The following POLR3B variants were observed in gnomAD, a reference collection of about 807,000 sequenced individuals.
The protein encoded by POLR3B is DNA-directed RNA polymerase III subunit RPC2.
In POLR3B, 96 loss-of-function variants were observed where a neutral mutation model predicts 147.4. The observed-to-expected ratio is 0.65, with a 90% CI of 0.55 to 0.77. The LOEUF (loss-of-function observed/expected upper bound fraction) is 0.77. Among genes scored for constraint, POLR3B ranks in the 30% least tolerant of loss-of-function variants. The probability of loss-of-function intolerance (pLI) is 0.00; values close to 1 mark genes in which losing one functional copy is unlikely to be tolerated. For synonymous variants in POLR3B, 461 were observed against 485.9 expected (o/e 0.95, Z 0.67); for missense variants, 1,036 against 1,413.5 (o/e 0.73, Z 4.28).
At chr12:106,444,118 G>A (rs548383839) in intron 18 of POLR3B, among the ~76,000 whole-genome samples, 63 of 152,284 alleles carry the variant, frequency 4.1e-4, no homozygotes, top group African/African-American at 1.4e-3. Flanking sequence ...ACTGTACTTG[G>A]CTAGTAACTG....
At chr12:106,373,223 T>A (rs1593003839) in intron 6 of POLR3B, among the ~76,000 whole-genome samples, 1 of 152,230 alleles carries the variant, frequency 6.6e-6, no homozygotes, top group East Asian at 1.9e-4. Flanking sequence ...ATTTTTCCAT[T>A]TTCCTTATGG....
chr12:106,509,573 G>A lies in POLR3B; in HGVS notation c.*24G>A, dbSNP rs759841627. 6.2e-7 allele frequency: 1 copy of A among 1,600,294 alleles called. No homozygotes were observed. The highest frequency in any genetic ancestry group is 1.1e-5 in the South Asian group (1 of 90,726). On this transcript the variant is annotated 3_prime_UTR_variant, in exon 28 of 28. Coordinates refer to ENST00000228347, the MANE Select transcript of POLR3B (RefSeq NM_018082.6). ...GAGGATGGAAAAAATGATTATTAAAGAGAACAAGTGATACATCCAATGCAA... is the reference window on the plus strand; with the variant it reads ...GAGGATGGAAAAAATGATTATTAAAAAGAACAAGTGATACATCCAATGCAA...
At chr12:106,399,893 A>C (rs2037037881) in intron 10 of POLR3B, among the ~76,000 whole-genome samples, 1 of 152,224 alleles carries the variant, frequency 6.6e-6, no homozygotes, top group Non-Finnish European at 1.5e-5. Context: ...CCAAATTGTA[A>C]AGACTGTCAA....
chr12:106,409,443 T>C (rs1012716611), intron 11 of POLR3B, among the ~76,000 whole-genome samples: 2 of 142,724 alleles, frequency 1.4e-5, no homozygotes, highest in Admixed American at 7.3e-5. Context: ...GGGTACAAGA[T>C]AACAAAGTAG....
intron 9 of POLR3B, among the ~76,000 whole-genome samples, chr12:106,386,083 T>G (rs2036832520): frequency 6.6e-6 from 1 of 152,148 alleles, no homozygotes; most frequent in Non-Finnish European, 1.5e-5. Context: ...CGGTGGCTCA[T>G]GCCTATAATC....
chr12:106,418,760 T>G (rs971103913), intron 12 of POLR3B, among the ~76,000 whole-genome samples: 1 of 152,208 alleles, frequency 6.6e-6, no homozygotes, highest in Non-Finnish European at 1.5e-5. Flanking sequence ...ACTTTTGACC[T>G]AAATAATGTG....
At chr12:106,406,427 G>A (rs2037151147) in intron 11 of POLR3B, among the ~76,000 whole-genome samples, 1 of 152,162 alleles carries the variant, frequency 6.6e-6, no homozygotes, top group Non-Finnish European at 1.5e-5. Context: ...GGTAAAATAT[G>A]CGTAACATAA....
intron 23 of POLR3B, among the ~76,000 whole-genome samples, chr12:106,466,979 T>C (rs2038015069): frequency 6.6e-6 from 1 of 152,236 alleles, no homozygotes; most frequent in Non-Finnish European, 1.5e-5. Context: ...TTTTCTCTGG[T>C]TCTGTGAAGT....
intron 23 of POLR3B, among the ~76,000 whole-genome samples, chr12:106,480,018 T>C (rs550553592): frequency 4.6e-5 from 7 of 151,322 alleles, no homozygotes; most frequent in Admixed American, 1.3e-4. Context: ...TTTGGCTTTT[T>C]TTATTATTAT....
intron 23 of POLR3B, among the ~76,000 whole-genome samples, chr12:106,482,389 C>T (rs141193025): frequency 6.6e-6 from 1 of 152,266 alleles, no homozygotes; most frequent in East Asian, 1.9e-4. Flanking sequence ...GTTTAACTGG[C>T]TCACAACTCT....
chr12:106,469,062 T>A (rs2038050536), intron 23 of POLR3B, among the ~76,000 whole-genome samples: 1 of 152,132 alleles, frequency 6.6e-6, no homozygotes, highest in African/African-American at 2.4e-5. Context: ...CCCATTATTA[T>A]TTTTTGGGAG....
At chr12:106,366,451 G>T in intron 2 of POLR3B, 65 bp from the exon 3 acceptor site, 2 of 978,758 alleles carry the variant, frequency 2.0e-6, no homozygotes, top group South Asian at 2.6e-5. Context: ...TCTATTATTT[G>T]AGCATATCAT....
chr12:106,465,707 G>A (rs1170785390), intron 23 of POLR3B, among the ~76,000 whole-genome samples: 2 of 152,176 alleles, frequency 1.3e-5, no homozygotes, highest in Non-Finnish European at 2.9e-5. Flanking sequence ...GTGAGAACAT[G>A]CAGTGTTTGG....
intron 6 of POLR3B, among the ~76,000 whole-genome samples, chr12:106,370,584 A>G (rs777955814): frequency 5.4e-5 from 8 of 148,612 alleles, no homozygotes; most frequent in Non-Finnish European, 1.2e-4. Context: ...TAAAATGTTC[A>G]TCTTGGTTTT....
intron 12 of POLR3B, among the ~76,000 whole-genome samples, chr12:106,416,067 C>T (rs2037298258): frequency 6.6e-6 from 1 of 152,178 alleles, no homozygotes; most frequent in African/African-American, 2.4e-5. Context: ...ATCATTGTCA[C>T]AGGCAAGTTT....
chr12:106,407,250 G>A (rs1292127779), intron 11 of POLR3B, among the ~76,000 whole-genome samples: 1 of 152,206 alleles, frequency 6.6e-6, no homozygotes, highest in Admixed American at 6.5e-5. Context: ...AGACGTAATT[G>A]TTCAAATCCT....
intron 25 of POLR3B, among the ~76,000 whole-genome samples, chr12:106,497,371 A>T (rs2038511298): frequency 6.6e-6 from 1 of 152,008 alleles, no homozygotes; most frequent in Admixed American, 6.6e-5. Flanking sequence ...TACTGGTAAG[A>T]TTATAATTTG....
chr12:106,398,689 C>G (rs1474629425), intron 10 of POLR3B, among the ~76,000 whole-genome samples: 2 of 152,192 alleles, frequency 1.3e-5, no homozygotes. Context: ...ACCTGCTGTT[C>G]TGCAGCCACC....
intron 10 of POLR3B, 115 bp from the exon 11 acceptor site, chr12:106,405,742 T>C: frequency 1.0e-6 from 1 of 1,002,044 alleles, no homozygotes; most frequent in Non-Finnish European, 1.6e-6. Context: ...CCAGTACAGC[T>C]TTCTCTATAA....
Sources: allele counts gnomAD v4.1 joint callset (sites outside exome capture counted in the v4.1 genomes callset), GRCh38; gene constraint gnomAD v4.1.1; transcripts MANE v1.5; gene names NCBI Gene and HGNC (gene_info 2026-07-23, HGNC 2026-07-21).